SPTBN5: variants seen among roughly 807,000 people sequenced by gnomAD.
SPTBN5 encodes the protein spectrin beta chain, non-erythrocytic 5.
In SPTBN5, 513 loss-of-function variants were observed where a neutral mutation model predicts 477.6. The observed-to-expected ratio is 1.07, with a 90% confidence interval of 1.00 to 1.16. The LOEUF (loss-of-function observed/expected upper bound fraction) is 1.16. SPTBN5 is among the 50% of genes most tolerant of loss of function. The pLI, the probability that SPTBN5 is intolerant of heterozygous loss-of-function variation, is 0.00. For synonymous variants in SPTBN5, 2,169 were observed against 2,011.7 expected, an observed-to-expected ratio of 1.08 and a Z score of -2.09; for missense variants, 5,062 against 4,731.8, an observed-to-expected ratio of 1.07 and a Z score of -2.05.
intron 26 of SPTBN5, 62 bp from the exon 27 acceptor site, chr15:41,872,521 T>TCCCC: frequency 1.3e-6 from 2 of 1,493,516 alleles, no homozygotes; most frequent in South Asian, 2.5e-5. Context: ...CACCTGTCCG[T>TCCCC]CCCCCACCCA....
intron 28 of SPTBN5, 74 bp downstream of exon 28, chr15:41,871,708 C>T (rs2066542261): frequency 2.1e-6 from 3 of 1,437,234 alleles, no homozygotes; most frequent in Admixed American, 2.7e-5. Flanking sequence ...CTTCCTCCGC[C>T]CCGCCAGAGC....
intron 57 of SPTBN5, 31 bp from the exon 58 acceptor site, chr15:41,853,818 T>A: frequency 6.6e-7 from 1 of 1,523,806 alleles, no homozygotes; most frequent in Non-Finnish European, 8.8e-7. Context: ...CAGGCCTCAG[T>A]CCCCCCACTG....
Position 41,870,014 on chromosome 15 carries a change from C to CCTGCAG in SPTBN5, c.5674_5679dup (p.Leu1892_Gln1893dup). 6 of 1,490,354 alleles carry CCTGCAG rather than the reference C, an allele frequency of 4.0e-6. No individual in the cohort carries two copies. Among genetic ancestry groups the CCTGCAG allele is most frequent in the Non-Finnish European group, 5.4e-6 (6 of 1,117,620 alleles). 92.3% of individuals were successfully genotyped at this position (1,490,354 alleles called of 1,614,324 possible). A position where few individuals can be genotyped will look rare whatever the true frequency, so the allele number is the denominator to read the frequency against. ...ACCCTGCCTGCAGTCTCCAGCAGTT[C>CCTGCAG]CTGCAGCTGCGGGAGGGGCAGGGAA... On this transcript the variant is annotated inframe_insertion, in exon 32 of 68. Coordinates refer to ENST00000320955, the MANE Select transcript of SPTBN5 (RefSeq NM_016642.4).
chr15:41,856,840 G>C lies in SPTBN5; in HGVS notation c.8808+13C>G, dbSNP rs1207446464. 5 of 1,536,858 alleles carry C rather than the reference G, an allele frequency of 3.3e-6. No individual in the cohort carries two copies. Among genetic ancestry groups the C allele is most frequent in the African/African-American group, 2.7e-5 (2 of 72,772 alleles). On this transcript the variant is annotated intron_variant, in intron 52 of 67. Coordinates refer to ENST00000320955, the MANE Select transcript of SPTBN5 (RefSeq NM_016642.4). ...TCATGTGCGAGGCCAGCCCTCCCCG[G>C]GTGGGCCCACACCTGGTGCTGCTCC... is the stretch of plus-strand genomic sequence containing the variant.
intron 24 of SPTBN5, 83 bp from the exon 25 acceptor site, chr15:41,874,128 A>G (rs994433996): frequency 4.7e-5 from 72 of 1,517,760 alleles, no homozygotes; most frequent in East Asian, 2.4e-4. Flanking sequence ...CCAGGCCCCA[A>G]TCATGGCAAG....
chr15:41,876,369 A>C (rs2066728151), intron 20 of SPTBN5, 85 bp from the exon 21 acceptor site: 1 of 1,457,370 alleles, frequency 6.9e-7, no homozygotes, highest in Admixed American at 2.1e-5. Context: ...TGGTGTGGCC[A>C]CAGCCCCTGT....
chr15:41,869,838 C>T lies in SPTBN5; in HGVS notation c.5853+3G>A, dbSNP rs747933478. ...ACACCACCCAAAGGGCAGGAGCCCT[C>T]ACCGCCGTGCGGAAGCGGGCCAGGA... On this transcript the variant is annotated splice_donor_region_variant and intron_variant, in intron 32 of 67. Coordinates refer to ENST00000320955, the MANE Select transcript of SPTBN5 (RefSeq NM_016642.4). 3.9e-6 allele frequency: 6 copies of T among 1,552,814 alleles called. No homozygotes were observed. Among genetic ancestry groups the T allele is most frequent in the Non-Finnish European group, 5.2e-6 (6 of 1,160,582 alleles).
chr15:41,857,787 C>T, intron 49 of SPTBN5, 77 bp from the exon 50 acceptor site: 3 of 1,489,448 alleles, frequency 2.0e-6, no homozygotes, highest in Admixed American at 4.0e-5. Context: ...CTCTGACCAC[C>T]AGCACTAGAG....
At position 41,887,311 on chromosome 15, in the gene SPTBN5, G is replaced by A. The variant is rs776940809; in HGVS notation, c.790C>T (p.Gln264Ter). The A allele has an allele frequency of 3.9e-6, 6 of 1,551,180 alleles. No homozygotes were observed. The highest frequency in any genetic ancestry group is 2.7e-5 in the African/African-American group (2 of 73,056). ...GTCATGATAGAGCGCTCATCTGGCT[G>A]TGCGGCTGCCACGTCCTCGGGGTCC... ...LLDPEDVAAA[Q>*]PDERSIMTYV... is the part of the protein sequence containing the mutation. The change falls in exon 6 of 68, where the codon CAG (glutamine) becomes TAG (stop). Residue 264 changes from glutamine to a stop codon, truncating the protein, a stop_gained. Coordinates refer to ENST00000320955, the MANE Select transcript of SPTBN5 (RefSeq NM_016642.4). LOFTEE classifies it high-confidence loss of function.
chr15:41,869,997 T>C lies in SPTBN5; in HGVS notation c.5697A>G (p.Ala1899=). Reference sequence around the variant, plus strand: ...CCGGACACAGCTTCTGCACCCTGCCTGCAGTCTCCAGCAGTTCCTGCAGCT... The same window carrying C: ...CCGGACACAGCTTCTGCACCCTGCCCGCAGTCTCCAGCAGTTCCTGCAGCT... ...ERQLQELLET[A]GRVQKLCPGP... The change falls in exon 32 of 68, where the codon GCA becomes GCG. Residue 1899 remains alanine (A), a synonymous_variant. Coordinates refer to ENST00000320955, the MANE Select transcript of SPTBN5 (RefSeq NM_016642.4). 6.6e-7 allele frequency: 1 copy of C among 1,514,916 alleles called. No homozygotes were observed. The allele number at this position is 1,514,916 out of a possible 1,614,324, so 93.8% of individuals were successfully genotyped here.
In SPTBN5 at chr15:41,855,666, G is replaced by T; in HGVS notation, c.9101C>A (p.Thr3034Lys). The T allele has an allele frequency of 1.2e-6, 2 of 1,606,568 alleles. No individual in the cohort carries two copies. Among genetic ancestry groups the T allele is most frequent in the Middle Eastern group, 1.7e-4 (1 of 6,046 alleles). ...CTCCAGCCGCCGCAGAAGGGCCTGTGTGGCTTCAGCACTGTGGCCCATGTC... is the reference window on the plus strand; with the variant it reads ...CTCCAGCCGCCGCAGAAGGGCCTGTTTGGCTTCAGCACTGTGGCCCATGTC... ...SEDMGHSAEA[T>K]QALLRRLEAT... Residue 3034 changes from threonine (T) to lysine (K), a missense_variant, in exon 54 of 68, where the codon ACA becomes AAA. Physicochemically the swap from Thr to Lys is moderately conservative, Grantham distance 78 (BLOSUM62 -1). Coordinates refer to ENST00000320955, the MANE Select transcript of SPTBN5 (RefSeq NM_016642.4).
Position 41,887,809 on chromosome 15 carries a change from C to G in SPTBN5, c.659+119G>C, listed in dbSNP as rs940361897. On this transcript the variant is annotated intron_variant, in intron 5 of 67. Coordinates refer to ENST00000320955, the MANE Select transcript of SPTBN5 (RefSeq NM_016642.4). ...GCTAACCCATCAGCCCTTTCTACAT[C>G]TGTGTCCACTTTCCCTCCTTCAAGC... 1.8e-5 allele frequency: 19 copies of G among 1,058,434 alleles called. No individual in the cohort carries two copies. In the African/African-American group the frequency reaches 2.7e-4, roughly 15 times the overall value. 65.6% of individuals were successfully genotyped at this position (1,058,434 alleles called of 1,614,324 possible).
rs1189888792 is a variant in SPTBN5, at chr15:41,857,472, A to C, written c.8387T>G (p.Met2796Arg). The C allele has an allele frequency of 6.2e-7, 1 of 1,608,666 alleles. No individual in the cohort carries two copies. The highest frequency in any genetic ancestry group is 1.7e-5 in the Admixed American group (1 of 59,786). The change falls in exon 51 of 68, where the codon ATG becomes AGG. Residue 2796 changes from methionine (M) to arginine (R), a missense_variant. Physicochemically the swap from Met to Arg is moderately conservative, Grantham distance 91 (BLOSUM62 -1). Coordinates refer to ENST00000320955, the MANE Select transcript of SPTBN5 (RefSeq NM_016642.4). ...ACEALRLRRSMEELENWLEPI... is the reference protein window; with the variant it reads ...ACEALRLRRSREELENWLEPI... ...CTCCAGCCAGTTCTCCAGTTCCTCCATGCTCCGCCGCAGACGCAGGGCCTA... is the reference window on the plus strand; with the variant it reads ...CTCCAGCCAGTTCTCCAGTTCCTCCCTGCTCCGCCGCAGACGCAGGGCCTA...
chr15:41,887,087 G>A, intron 6 of SPTBN5, 126 bp downstream of exon 6: 1 of 792,590 alleles, frequency 1.3e-6, no homozygotes. Flanking sequence ...ATGTGATAGA[G>A]GGTGCACAGT....
rs554170593 is a variant in SPTBN5, at chr15:41,862,193, C to T, written c.7485G>A (p.Thr2495=). ...CCACAGGGCTGCGAGGAGCGGGGCT[C>T]GTGTCCATCTGAGCCCGCAGCCTCT... is the stretch of plus-strand genomic sequence containing the variant. The part of the protein sequence containing the change: ...SAQRLRAQMD[T]SPAPRSPVEA... Residue 2495 remains threonine (T), a synonymous_variant, in exon 44 of 68, where the codon ACG becomes ACA. Transcript: ENST00000320955. The T allele has an allele frequency of 4.7e-5, 76 of 1,610,178 alleles. No individual in the cohort carries two copies. The highest frequency in any genetic ancestry group is 3.1e-4 in the East Asian group (14 of 44,786).
chr15:41,852,521 A>G, intron 61 of SPTBN5, 113 bp downstream of exon 61: 1 of 1,345,544 alleles, frequency 7.4e-7, no homozygotes, highest in Non-Finnish European at 1.1e-6. Flanking sequence ...CAGGGAAAGG[A>G]GCAGGTAAGG....
In SPTBN5 at chr15:41,876,537, C is replaced by T. The variant is rs1188073425; in HGVS notation, c.3951+11G>A. On this transcript the variant is annotated intron_variant, in intron 20 of 67. Coordinates refer to ENST00000320955, the MANE Select transcript of SPTBN5 (RefSeq NM_016642.4). ...AGGGAGGCGTCATGCGACCTGGGCC[C>T]AGACCCTCACCTGGAGCTGGAGGGA... The T allele has an allele frequency of 6.3e-7, 1 of 1,583,192 alleles. No homozygotes were observed. The highest frequency in any genetic ancestry group is 8.6e-7 in the Non-Finnish European group (1 of 1,164,864).
intron 56 of SPTBN5, 56 bp downstream of exon 56, chr15:41,854,726 G>A (rs936511974): frequency 5.9e-5 from 84 of 1,424,278 alleles, no homozygotes; most frequent in Non-Finnish European, 7.7e-5. Flanking sequence ...AGGGCTTAGA[G>A]GGATTTTTTG....
intron 26 of SPTBN5, among the ~76,000 whole-genome samples, chr15:41,873,218 G>A (rs1395695053): frequency 6.6e-6 from 1 of 152,172 alleles, no homozygotes; most frequent in African/African-American, 2.4e-5. Context: ...GTGGGGTAGA[G>A]AGGAAGCAAG....
Sources: gnomAD v4.1 joint callset for allele counts (sites outside exome capture counted in the v4.1 genomes callset) on GRCh38, gnomAD v4.1.1 for gene constraint, MANE v1.5 for transcripts, NCBI Gene and HGNC (gene_info 2026-07-23, HGNC 2026-07-21) for gene names.